Variants in KLF7 observed in about 807,000 individuals in gnomAD.
KLF7 encodes Krueppel-like factor 7.
Under a neutral mutation model 27.3 loss-of-function variants are expected in KLF7, and 2 were observed. That is an observed-to-expected ratio of 0.07 (90% CI 0.03 to 0.23). KLF7 has a LOEUF of 0.23. KLF7 is among the 10% of genes least tolerant of loss of function. The pLI is 1.00. For synonymous variants in KLF7, 165 were observed against 162.4 expected, an observed-to-expected ratio of 1.02 and a Z score of -0.12; for missense variants, 221 against 394.1, an observed-to-expected ratio of 0.56 and a Z score of 3.72.
intron 1 of KLF7, among the ~76,000 whole-genome samples, chr2:207,156,489 C>A (rs550771620): frequency 7.0e-4 from 106 of 152,326 alleles, no homozygotes; most frequent in African/African-American, 2.5e-3. Context: ...TACATGCATG[C>A]ATCCAGCCCT....
chr2:207,108,566 T>TG (rs757606732), intron 2 of KLF7, among the ~76,000 whole-genome samples: 16 of 152,230 alleles, frequency 1.1e-4, no homozygotes, highest in Non-Finnish European at 2.2e-4. Flanking sequence ...CTCAGATCTC[T>TG]GGATATAATA....
chr2:207,106,634 G>T (rs559846578), intron 2 of KLF7, among the ~76,000 whole-genome samples: 34 of 152,144 alleles, frequency 2.2e-4, no homozygotes, highest in African/African-American at 8.0e-4. Context: ...TGCAAGAAGC[G>T]TGAATCATAC....
At chr2:207,149,165 T>TG (rs1407684068) in intron 1 of KLF7, 9 of 1,288,566 alleles carry the variant, frequency 7.0e-6, no homozygotes, top group Non-Finnish European at 9.1e-6. Context: ...AAGAAACTGG[T>TG]GTGTTTTCTT....
chr2:207,132,845 T>C (rs747384304), intron 1 of KLF7, among the ~76,000 whole-genome samples: 5 of 152,216 alleles, frequency 3.3e-5, no homozygotes, highest in African/African-American at 7.2e-5. Context: ...TCCTCATTCA[T>C]TATGTCTGTG....
chr2:207,165,590 G>A lies in KLF7; in HGVS notation c.-22C>T, dbSNP rs373576836. The A allele has an allele frequency of 2.5e-5, 41 of 1,612,660 alleles. No individual in the cohort carries two copies. Among genetic ancestry groups the A allele is most frequent in the Admixed American group, 8.3e-5 (5 of 59,994 alleles). On this transcript the variant is annotated 5_prime_UTR_variant, in exon 1 of 4. Transcript: ENST00000309446. The stretch of plus-strand genomic sequence containing the variant: ...CCATGCTGCTGCTGCCGGGCAAAAC[G>A]GGAGGCGAAACCCTCCCCCGAACAC...
At chr2:207,117,847 G>A (rs1458334458) in intron 2 of KLF7, among the ~76,000 whole-genome samples, 1 of 152,138 alleles carries the variant, frequency 6.6e-6, no homozygotes, top group Non-Finnish European at 1.5e-5. Flanking sequence ...CTTCCATGCT[G>A]CCTCTGACTG....
chr2:207,104,373 C>G (rs2105916932), intron 2 of KLF7, among the ~76,000 whole-genome samples: 1 of 152,232 alleles, frequency 6.6e-6, no homozygotes, highest in East Asian at 1.9e-4. Flanking sequence ...TATACGTAAA[C>G]AAACTAGACA....
chr2:207,137,905 G>C (rs1156279925), intron 1 of KLF7, among the ~76,000 whole-genome samples: 1 of 152,200 alleles, frequency 6.6e-6, no homozygotes, highest in African/African-American at 2.4e-5. Context: ...AAGTAAAATT[G>C]TGCTTTGCCC....
chr2:207,152,740 C>A, intron 1 of KLF7, among the ~76,000 whole-genome samples: 1 of 152,260 alleles, frequency 6.6e-6, no homozygotes, highest in Non-Finnish European at 1.5e-5. Context: ...TGGGTGAGAG[C>A]AGAAAGCAAG....
chr2:207,088,612 G>A, intron 2 of KLF7, 31 bp from the exon 3 acceptor site: 1 of 1,607,320 alleles, frequency 6.2e-7, no homozygotes, highest in African/African-American at 1.3e-5. Flanking sequence ...ACCGTGGTCA[G>A]CAGCAGGAAC....
At chr2:207,104,625 G>C (rs1232302030) in intron 2 of KLF7, among the ~76,000 whole-genome samples, 2 of 152,080 alleles carry the variant, frequency 1.3e-5, no homozygotes, top group Non-Finnish European at 2.9e-5. Context: ...CCATTTTCTA[G>C]ATGAGGAAAT....
At chr2:207,173,296 G>T in the KLF7 span, among the ~76,000 whole-genome samples, 1 of 152,044 alleles carries the variant, frequency 6.6e-6, no homozygotes, top group Non-Finnish European at 1.5e-5. Context: ...TTGACTTCCC[G>T]CTTGTTCTGC....
intron 3 of KLF7, among the ~76,000 whole-genome samples, chr2:207,082,996 C>T (rs1169683368): frequency 6.6e-6 from 1 of 152,138 alleles, no homozygotes; most frequent in Non-Finnish European, 1.5e-5. Flanking sequence ...GCGAAAAGTA[C>T]AACTGAAAAC....
chr2:207,105,799 A>C lies in KLF7; in HGVS notation c.734-17218T>G, dbSNP rs891136383. Among the ~76,000 whole-genome samples, 47 of 152,276 alleles carry C rather than the reference A, an allele frequency of 3.1e-4. 1 individual carries two copies. Among genetic ancestry groups the C allele is most frequent in the African/African-American group, 9.1e-4 (38 of 41,560 alleles). ...GACTGAGAGAACAGGCAGTGGCCAGACTGTGAAAGGACTTAAACAGACCTG... is the reference window on the plus strand; with the variant it reads ...GACTGAGAGAACAGGCAGTGGCCAGCCTGTGAAAGGACTTAAACAGACCTG... On this transcript the variant is annotated intron_variant, in intron 2 of 3. Coordinates refer to ENST00000309446, the MANE Select transcript of KLF7 (RefSeq NM_003709.4).
chr2:207,166,999 C>G, upstream of KLF7: 1 of 825,772 alleles, frequency 1.2e-6, no homozygotes, highest in African/African-American at 1.8e-5. Flanking sequence ...GAGACCTGGT[C>G]GGGAGTCCGG....
At position 207,123,909 on chromosome 2, in the gene KLF7, C is replaced by T. The variant is rs780771483; in HGVS notation, c.598G>A (p.Asp200Asn). ...AAGAVKSGQS[D>N]SDQGGLGAEA... ...GCCCCCAGCCCTCCTTGGTCACTGT[C>T]GCTCTGTCCACTCTTAACGGCCCCC... Residue 200 changes from aspartate (D) to asparagine (N), a missense_variant, in exon 2 of 4, where the codon GAC becomes AAC. Coordinates refer to ENST00000309446, the MANE Select transcript of KLF7 (RefSeq NM_003709.4). 1.9e-6 allele frequency: 3 copies of T among 1,613,962 alleles called. No homozygotes were observed. Among genetic ancestry groups the T allele is most frequent in the Admixed American group, 1.7e-5 (1 of 60,034 alleles).
intron 1 of KLF7, among the ~76,000 whole-genome samples, chr2:207,136,420 G>A (rs1208865408): frequency 1.3e-5 from 2 of 151,728 alleles, no homozygotes. Flanking sequence ...ATCCCAGAAC[G>A]CAGACTCCCC....
intron 1 of KLF7, among the ~76,000 whole-genome samples, chr2:207,163,031 C>T (rs544236417): frequency 7.3e-4 from 111 of 152,284 alleles, no homozygotes; most frequent in Middle Eastern, 6.8e-3. Flanking sequence ...CTAACAGTTG[C>T]ATATCACCAT....
chr2:207,152,599 C>T (rs1399682752), intron 1 of KLF7, among the ~76,000 whole-genome samples: 1 of 152,074 alleles, frequency 6.6e-6, no homozygotes, highest in East Asian at 1.9e-4. Context: ...TCCCAGATTT[C>T]GATGATCTAC....
Sources: allele counts gnomAD v4.1 joint callset (sites outside exome capture counted in the v4.1 genomes callset), GRCh38; gene constraint gnomAD v4.1.1; transcripts MANE v1.5; gene names NCBI Gene and HGNC (gene_info 2026-07-23, HGNC 2026-07-21).